GLYATL2: variants seen among roughly 807,000 people sequenced by gnomAD.
The protein encoded by GLYATL2 is glycine-N-acyltransferase like 2.
A neutral mutation model predicts 21.4 loss-of-function variants in GLYATL2; 25 were observed. That is an observed-to-expected ratio of 1.17 (90% CI 0.85 to 1.63). The LOEUF (loss-of-function observed/expected upper bound fraction) is 1.63. GLYATL2 is among the 40% of genes most tolerant of loss of function. The pLI is 0.00. For synonymous variants in GLYATL2, 114 were observed against 118.2 expected (o/e 0.96, Z 0.23); for missense variants, 361 against 343.3 (o/e 1.05, Z -0.41).
Position 58,889,251 on chromosome 11 carries a change from T to C in GLYATL2, n.60+14905A>G, listed in dbSNP as rs114251693. Among the ~76,000 whole-genome samples, 874 of 152,092 alleles carry C rather than the reference T, an allele frequency of 5.7e-3. 9 individuals carry two copies. Among genetic ancestry groups the C allele is most frequent in the African/African-American group, 0.02 (832 of 41,550 alleles). On this transcript the variant is annotated intron_variant and non_coding_transcript_variant, in intron 1 of 4. Coordinates refer to the GLYATL2 transcript ENST00000533636. The stretch of plus-strand genomic sequence containing the variant: ...ATGTCACACTGTTCTTTAAAACCTG[T>C]TTTTTTGTGTGTGTGGGGGTGTTAT...
chr11:58,897,712 T>G (rs1854658796), intron 1 of GLYATL2, among the ~76,000 whole-genome samples: 1 of 152,234 alleles, frequency 6.6e-6, no homozygotes, highest in African/African-American at 2.4e-5. Flanking sequence ...GCATATTCCC[T>G]GACTTCATAA....
upstream of GLYATL2, among the ~76,000 whole-genome samples, chr11:58,846,989 G>A (rs1164871737): frequency 6.6e-6 from 1 of 151,980 alleles, no homozygotes. Context: ...CTTGCATCTT[G>A]GATATCAGCT....
intron 1 of GLYATL2, among the ~76,000 whole-genome samples, chr11:58,883,163 A>G (rs1306175753): frequency 6.6e-6 from 1 of 152,216 alleles, no homozygotes; most frequent in Non-Finnish European, 1.5e-5. Context: ...ACATTTTCAC[A>G]ATATTGATTC....
chr11:58,905,574 C>G (rs1854846943), upstream of GLYATL2: 1 of 456,322 alleles, frequency 2.2e-6, no homozygotes. Flanking sequence ...CACCCGGCTG[C>G]CGCGCAACCC....
At chr11:58,857,654 A>G (rs1853853666) in intron 1 of GLYATL2, among the ~76,000 whole-genome samples, 1 of 152,180 alleles carries the variant, frequency 6.6e-6, no homozygotes, top group South Asian at 2.1e-4. Context: ...CAAAACAGCA[A>G]TAAGGCCATT....
chr11:58,860,711 A>G (rs1853915451), intron 1 of GLYATL2, among the ~76,000 whole-genome samples: 1 of 152,042 alleles, frequency 6.6e-6, no homozygotes, highest in Non-Finnish European at 1.5e-5. Context: ...ACTTTTCACC[A>G]TTAAGTGTAA....
intron 5 of GLYATL2, among the ~76,000 whole-genome samples, chr11:58,836,621 A>G (rs1853435495): frequency 6.6e-6 from 1 of 152,230 alleles, no homozygotes. Flanking sequence ...CTAAAAGCAT[A>G]CATATCAGTG....
At chr11:58,877,392 G>C (rs545105753) in intron 1 of GLYATL2, among the ~76,000 whole-genome samples, 9 of 152,290 alleles carry the variant, frequency 5.9e-5, no homozygotes, top group African/African-American at 2.2e-4. Context: ...GACTGGAGCT[G>C]TTCCTTTTCA....
chr11:58,857,217 A>G (rs1853843953), intron 1 of GLYATL2, among the ~76,000 whole-genome samples: 1 of 152,210 alleles, frequency 6.6e-6, no homozygotes, highest in South Asian at 2.1e-4. Context: ...CAATTCTAAA[A>G]TGTGTGAGGT....
At chr11:58,858,138 C>A (rs577448681) in intron 1 of GLYATL2, among the ~76,000 whole-genome samples, 1 of 152,220 alleles carries the variant, frequency 6.6e-6, no homozygotes, top group East Asian at 1.9e-4. Flanking sequence ...GTGTGAGTGG[C>A]TCCACAAGTA....
intron 1 of GLYATL2, among the ~76,000 whole-genome samples, chr11:58,898,217 C>CCCTGTTCTGCTG (rs1854667188): frequency 6.6e-6 from 1 of 152,154 alleles, no homozygotes; most frequent in South Asian, 2.1e-4. Flanking sequence ...AGATTCATTT[C>CCCTGTTCTGCTG]CCTGTTCTGC....
chr11:58,868,004 A>G (rs1854050266), intron 1 of GLYATL2, among the ~76,000 whole-genome samples: 1 of 148,744 alleles, frequency 6.7e-6, no homozygotes, highest in African/African-American at 2.4e-5. Flanking sequence ...AGCCTGATGC[A>G]AAGGAGTCTC....
At chr11:58,845,837 C>T (rs1853632705), upstream of GLYATL2, among the ~76,000 whole-genome samples, 1 of 152,096 alleles carries the variant, frequency 6.6e-6, no homozygotes, top group Admixed American at 6.5e-5. Flanking sequence ...ATTCTCTACC[C>T]TTAGGCAGTT....
At chr11:58,872,078 C>T (rs1590737176) in intron 1 of GLYATL2, among the ~76,000 whole-genome samples, 2 of 152,266 alleles carry the variant, frequency 1.3e-5, no homozygotes, top group East Asian at 3.9e-4. Flanking sequence ...GCATAAATGT[C>T]TTCTTTTGAG....
chr11:58,875,756 G>C (rs906375362), intron 1 of GLYATL2, among the ~76,000 whole-genome samples: 5 of 152,114 alleles, frequency 3.3e-5, no homozygotes, highest in Admixed American at 6.5e-5. Flanking sequence ...GTGAATCTGA[G>C]AATTATGTGT....
intron 1 of GLYATL2, among the ~76,000 whole-genome samples, chr11:58,879,358 A>G (rs1590743024): frequency 6.6e-6 from 1 of 152,122 alleles, no homozygotes; most frequent in Admixed American, 6.6e-5. Flanking sequence ...CACGTTATAT[A>G]TTTTGCTTTT....
chr11:58,865,356 T>C (rs887753136), intron 1 of GLYATL2, among the ~76,000 whole-genome samples: 1 of 148,772 alleles, frequency 6.7e-6, no homozygotes, highest in Non-Finnish European at 1.5e-5. Context: ...CTTAACAAAA[T>C]AGGACTTGTT....
intron 1 of GLYATL2, among the ~76,000 whole-genome samples, chr11:58,884,576 G>A (rs976204018): frequency 1.3e-5 from 2 of 152,168 alleles, no homozygotes; most frequent in African/African-American, 4.8e-5. Flanking sequence ...CCAAAATACA[G>A]GGAAAAAGTT....
At chr11:58,909,756 T>C in the GLYATL2 span, among the ~76,000 whole-genome samples, 2 of 152,206 alleles carry the variant, frequency 1.3e-5, no homozygotes, top group East Asian at 1.9e-4. Context: ...CAGAAGGCTT[T>C]CTATCAATAA....
Sources: allele counts gnomAD v4.1 joint callset (sites outside exome capture counted in the v4.1 genomes callset), GRCh38; gene constraint gnomAD v4.1.1; transcripts MANE v1.5; gene names NCBI Gene and HGNC (gene_info 2026-07-23, HGNC 2026-07-21).